OPCML: variants seen among roughly 807,000 people sequenced by gnomAD.
OPCML encodes opioid binding protein/cell adhesion molecule like.
Under a neutral mutation model 37.8 loss-of-function variants are expected in OPCML, and 13 were observed. The observed-to-expected ratio is 0.34, with a 90% CI of 0.22 to 0.55. The LOEUF is 0.55. Among genes scored for constraint, OPCML ranks in the 20% least tolerant of loss-of-function variants. OPCML has a pLI of 0.91. For synonymous variants in OPCML, 176 were observed against 168.8 expected (o/e 1.04, Z -0.33); for missense variants, 341 against 435.6 (o/e 0.78, Z 1.93).
Position 132,847,514 on chromosome 11 carries a change from A to C in OPCML, c.146+95412T>G, listed in dbSNP as rs1941601086. On this transcript the variant is annotated intron_variant, in intron 2 of 7. Coordinates refer to ENST00000524381, the MANE Select transcript of OPCML (RefSeq NM_001012393.5). ...ATAAATGTTAGTGATAGTGATTTTT[A>C]ATACTCATTTTTTTCTTCTCTATGC... 2.0e-5 allele frequency among the ~76,000 whole-genome samples: 3 copies of C among 152,174 alleles called. No individual in the cohort carries two copies. The South Asian group carries it at 6.2e-4, about 32-fold the overall frequency.
Position 132,657,128 on chromosome 11 carries a change from T to A in OPCML, c.338A>T (p.Asp113Val), listed in dbSNP as rs775937699. 40 of 1,614,148 alleles carry A rather than the reference T, an allele frequency of 2.5e-5. No homozygotes were observed. The highest frequency in any genetic ancestry group is 6.7e-5 in the African/African-American group (5 of 74,950). The change falls in exon 3 of 8, where the codon GAC (aspartate) becomes GTC (valine). Residue 113 changes from aspartate to valine, a missense_variant. Asp to Val is a radical substitution (Grantham distance 152). Coordinates refer to ENST00000524381, the MANE Select transcript of OPCML (RefSeq NM_001012393.5). Reference sequence around the variant, plus strand: ...AACCCGGGACGTTTTGGGATGATTGTCTGTCTGCACAGAGCAGGTGTACGG... The same window carrying A: ...AACCCGGGACGTTTTGGGATGATTGACTGTCTGCACAGAGCAGGTGTACGG... The part of the protein sequence containing the change: ...EGPYTCSVQT[D>V]NHPKTSRVHL...
At chr11:133,301,274 T>C (rs1942769656) in intron 1 of OPCML, 1 of 152,230 alleles carries the variant, frequency 6.6e-6, no homozygotes, top group African/African-American at 2.4e-5. Context: ...AGAGTAGGCA[T>C]GCAATATATA....
rs79360136 is a variant in OPCML at position 133,174,809 on chromosome 11, G to A, written c.62-231799C>T. Among the ~76,000 whole-genome samples, 27 of 152,048 alleles carry A rather than the reference G, an allele frequency of 1.8e-4. No homozygotes were observed. Among genetic ancestry groups the A allele is most frequent in the South Asian group, 4.2e-4 (2 of 4,810 alleles). Reference sequence around the variant, plus strand: ...TTCATTTATGATGAGTGTATACTTCGTGTGCACTAGAAAAAGAGTACTTTA... The same window carrying A: ...TTCATTTATGATGAGTGTATACTTCATGTGCACTAGAAAAAGAGTACTTTA... On this transcript the variant is annotated intron_variant, in intron 1 of 7. Transcript: ENST00000524381. The surrounding 1 kb of genome is among the most constrained non-coding windows in gnomAD (Gnocchi z 4.6).
intron 1 of OPCML, chr11:133,003,852 G>A: frequency 1.0e-6 from 1 of 985,352 alleles, no homozygotes; most frequent in Non-Finnish European, 1.2e-6. Flanking sequence ...GCAGATCCTT[G>A]CCATCCACCG....
intron 4 of OPCML, among the ~76,000 whole-genome samples, chr11:132,469,837 G>C (rs563655694): frequency 0.082 from 10,276 of 124,702 alleles, 521 homozygotes; most frequent in Middle Eastern, 0.17. Flanking sequence ...GTGTGTGGGG[G>C]GCTGTATGTG....
intron 1 of OPCML, among the ~76,000 whole-genome samples, chr11:133,427,574 G>C (rs1946029104): frequency 6.6e-6 from 1 of 151,892 alleles, no homozygotes; most frequent in Non-Finnish European, 1.5e-5. Flanking sequence ...AAATAAAAAT[G>C]AGCAGAACTG....
chr11:132,718,828 G>A lies in OPCML; in HGVS notation c.147-61509C>T, dbSNP rs1247875122. Among the ~76,000 whole-genome samples the A allele has an allele frequency of 2.0e-5, 3 of 152,190 alleles. No individual in the cohort carries two copies. The East Asian group carries it at 5.8e-4, about 29-fold the overall frequency. On this transcript the variant is annotated intron_variant, in intron 2 of 7. Transcript: ENST00000524381. Reference sequence around the variant, plus strand: ...TGAAGGAGCAGAGTCTGAAGGGAAAGAGACAGTGACTCCCTGGGTTGACAT... The same window carrying A: ...TGAAGGAGCAGAGTCTGAAGGGAAAAAGACAGTGACTCCCTGGGTTGACAT...
chr11:132,512,626 CAG>C (rs962126995), intron 4 of OPCML, among the ~76,000 whole-genome samples: 1 of 151,746 alleles, frequency 6.6e-6, no homozygotes, highest in Non-Finnish European at 1.5e-5. Context: ...ACATTTTTTT[CAG>C]AGTGTAGATA....
intron 3 of OPCML, among the ~76,000 whole-genome samples, chr11:132,599,420 A>AGGAAGAAGGT (rs1490070141): frequency 1.1e-5 from 1 of 91,758 alleles, no homozygotes; most frequent in Non-Finnish European, 2.4e-5. Flanking sequence ...AGGAAGAAGG[A>AGGAAGAAGGT]GGAAGAAGGT....
intron 1 of OPCML, among the ~76,000 whole-genome samples, chr11:133,488,704 G>A (rs979904704): frequency 9.9e-5 from 15 of 151,848 alleles, no homozygotes; most frequent in East Asian, 3.9e-4. Flanking sequence ...GTCATTTTTC[G>A]CAGAATTATA....
At chr11:132,920,393 G>A (rs367914188) in intron 2 of OPCML, among the ~76,000 whole-genome samples, 4 of 152,282 alleles carry the variant, frequency 2.6e-5, no homozygotes, top group South Asian at 4.1e-4. Flanking sequence ...TGGAGAGAAC[G>A]TTGGCTCTAA....
At chr11:133,467,941 T>A (rs1947014178) in intron 1 of OPCML, among the ~76,000 whole-genome samples, 1 of 152,132 alleles carries the variant, frequency 6.6e-6, no homozygotes, top group Admixed American at 6.6e-5. Flanking sequence ...GAGATCTGAG[T>A]CTTCTCCTCC....
chr11:133,038,075 G>T (rs1429821068), intron 1 of OPCML, among the ~76,000 whole-genome samples: 1 of 152,200 alleles, frequency 6.6e-6, no homozygotes, highest in African/African-American at 2.4e-5. Flanking sequence ...TTCCACTCTT[G>T]GCCCATATCT....
chr11:133,483,824 G>GATAGATAA (rs1392164959), intron 1 of OPCML, among the ~76,000 whole-genome samples: 2 of 148,100 alleles, frequency 1.4e-5, no homozygotes, highest in African/African-American at 2.5e-5. Context: ...TAGATAGATA[G>GATAGATAA]ATAGGATGGA....
intron 1 of OPCML, among the ~76,000 whole-genome samples, chr11:133,100,362 A>G (rs1011573905): frequency 6.6e-6 from 1 of 152,230 alleles, no homozygotes; most frequent in Non-Finnish European, 1.5e-5. Context: ...CAATATTATC[A>G]AGATGTCAGT....
At chr11:132,653,874 C>A (rs1433287806) in intron 3 of OPCML, among the ~76,000 whole-genome samples, 2 of 152,170 alleles carry the variant, frequency 1.3e-5, no homozygotes, top group African/African-American at 4.8e-5. Flanking sequence ...TATAAACAGA[C>A]AAGTGGCAGC....
rs1487540505 is a variant in OPCML, at chr11:132,922,164, C to A, written c.146+20762G>T. 6.6e-5 allele frequency among the ~76,000 whole-genome samples: 10 copies of A among 152,282 alleles called. No individual in the cohort carries two copies. In the East Asian group the frequency reaches 1.9e-3, roughly 29 times the overall value. On this transcript the variant is annotated intron_variant, in intron 2 of 7. Coordinates refer to ENST00000524381, the MANE Select transcript of OPCML (RefSeq NM_001012393.5). ...AAGTGCTGGAATTATAGATGTGAGC[C>A]ACTACCCCCGGCCAATTTTACCATT...
intron 1 of OPCML, among the ~76,000 whole-genome samples, chr11:133,333,736 A>G (rs1439587727): frequency 6.6e-6 from 1 of 152,224 alleles, no homozygotes; most frequent in African/African-American, 2.4e-5. Context: ...TTTGCAAACT[A>G]TGCATCTGAT....
intron 1 of OPCML, among the ~76,000 whole-genome samples, chr11:133,463,694 C>T (rs1182880745): frequency 6.6e-6 from 1 of 152,120 alleles, no homozygotes; most frequent in East Asian, 1.9e-4. Context: ...ATACCGACAC[C>T]TGGAATGCGC....
Sources: allele counts gnomAD v4.1 joint callset (sites outside exome capture counted in the v4.1 genomes callset), GRCh38; gene constraint gnomAD v4.1.1; non-coding constraint Gnocchi (gnomAD v3.1); transcripts MANE v1.5; gene names NCBI Gene and HGNC (gene_info 2026-07-23, HGNC 2026-07-21).